The following NDUFAF2 variants were observed in gnomAD, a reference collection of about 807,000 sequenced individuals.
NDUFAF2 encodes the protein NADH:ubiquinone oxidoreductase complex assembly factor 2.
In NDUFAF2, 13 loss-of-function variants were observed where a neutral mutation model predicts 22.8. That is an observed-to-expected ratio of 0.57 (90% CI 0.37 to 0.91). NDUFAF2 has a LOEUF of 0.91. Among genes scored for constraint, NDUFAF2 ranks in the 40% least tolerant of loss-of-function variants. NDUFAF2 has a pLI of 0.01. For synonymous variants in NDUFAF2, 53 were observed against 64.2 expected, an observed-to-expected ratio of 0.83 and a Z score of 0.84; for missense variants, 162 against 195.2, an observed-to-expected ratio of 0.83 and a Z score of 1.01.
At chr5:60,994,903 C>G (rs1486917244) in intron 1 of NDUFAF2, among the ~76,000 whole-genome samples, 1 of 151,924 alleles carries the variant, frequency 6.6e-6, no homozygotes, top group Non-Finnish European at 1.5e-5. Flanking sequence ...TTTGTCTCCT[C>G]TGATTGTGTA....
chr5:61,066,550 G>A (rs1401578058), intron 1 of NDUFAF2, among the ~76,000 whole-genome samples: 1 of 151,954 alleles, frequency 6.6e-6, no homozygotes, highest in South Asian at 2.1e-4. Flanking sequence ...CAGTGGAACA[G>A]AATAGAGAGC....
intron 1 of NDUFAF2, among the ~76,000 whole-genome samples, chr5:61,041,666 A>G (rs1751884477): frequency 6.6e-6 from 1 of 152,328 alleles, no homozygotes; most frequent in South Asian, 2.1e-4. Flanking sequence ...CAATCAGGTG[A>G]ATAAGCATCA....
intron 1 of NDUFAF2, among the ~76,000 whole-genome samples, chr5:60,945,688 G>T (rs551527075): frequency 6.6e-6 from 1 of 152,204 alleles, no homozygotes; most frequent in Non-Finnish European, 1.5e-5. Flanking sequence ...TCCCAGCCAC[G>T]CCTGTAGAGG....
At chr5:61,056,226 A>G (rs1752085298) in intron 1 of NDUFAF2, among the ~76,000 whole-genome samples, 1 of 152,188 alleles carries the variant, frequency 6.6e-6, no homozygotes, top group Non-Finnish European at 1.5e-5. Flanking sequence ...TTGAGTAGAG[A>G]GGCAGGCTCC....
intron 3 of NDUFAF2, among the ~76,000 whole-genome samples, chr5:61,099,471 C>G (rs1752680943): frequency 1.3e-5 from 2 of 150,668 alleles, no homozygotes; most frequent in Admixed American, 6.6e-5. Context: ...GTATTTAAAT[C>G]CATCAAGTAT....
chr5:61,109,487 T>C (rs910008169), intron 3 of NDUFAF2, among the ~76,000 whole-genome samples: 1 of 152,196 alleles, frequency 6.6e-6, no homozygotes, highest in African/African-American at 2.4e-5. Flanking sequence ...CAATATTATA[T>C]TGAATAACAA....
intron 1 of NDUFAF2, among the ~76,000 whole-genome samples, chr5:61,040,279 C>CACACACAT (rs1751856857): frequency 9.6e-6 from 1 of 104,114 alleles, no homozygotes; most frequent in Non-Finnish European, 2.0e-5. Context: ...CACACACACA[C>CACACACAT]ACACACACGC....
At chr5:60,965,078 T>G (rs1750736976) in intron 1 of NDUFAF2, among the ~76,000 whole-genome samples, 1 of 152,128 alleles carries the variant, frequency 6.6e-6, no homozygotes, top group African/African-American at 2.4e-5. Flanking sequence ...CACACTAACA[T>G]AATTAGAATC....
chr5:61,092,709 C>G (rs1752583601), intron 2 of NDUFAF2, among the ~76,000 whole-genome samples: 1 of 152,016 alleles, frequency 6.6e-6, no homozygotes, highest in Non-Finnish European at 1.5e-5. Context: ...CTTTTTTTCT[C>G]TTGCCTGATT....
At position 60,945,222 on chromosome 5, in the gene NDUFAF2, C is replaced by G. The variant is rs199591129; in HGVS notation, c.-34C>G. On this transcript the variant is annotated 5_prime_UTR_variant, in exon 1 of 4. Transcript: ENST00000296597. ...GGAGCATTACCCCTACTGCGGGTCCCGCTGCTGGCAGCGCTGGAAACTGGG... is the reference window on the plus strand; with the variant it reads ...GGAGCATTACCCCTACTGCGGGTCCGGCTGCTGGCAGCGCTGGAAACTGGG... 1.2e-6 allele frequency: 2 copies of G among 1,608,778 alleles called. No homozygotes were observed. The highest frequency in any genetic ancestry group is 1.1e-5 in the South Asian group (1 of 90,374).
intron 1 of NDUFAF2, among the ~76,000 whole-genome samples, chr5:61,062,352 G>T (rs150645586): frequency 1.3e-5 from 2 of 152,158 alleles, no homozygotes. Context: ...ATTCAATATA[G>T]ATAGATATCA....
intron 1 of NDUFAF2, among the ~76,000 whole-genome samples, chr5:60,964,793 C>G: frequency 6.6e-6 from 1 of 152,118 alleles, no homozygotes; most frequent in East Asian, 1.9e-4. Context: ...CAATGGAACT[C>G]TTGAACTTAC....
chr5:61,070,596 T>TACATAC (rs1554082090), intron 1 of NDUFAF2, among the ~76,000 whole-genome samples: 1 of 147,974 alleles, frequency 6.8e-6, no homozygotes, highest in African/African-American at 2.5e-5. Context: ...TGTCTTTGCA[T>TACATAC]ACACACACAC....
At chr5:61,064,821 C>T (rs1303076761) in intron 1 of NDUFAF2, among the ~76,000 whole-genome samples, 3 of 151,014 alleles carry the variant, frequency 2.0e-5, no homozygotes, top group African/African-American at 7.3e-5. Flanking sequence ...CCTCAAGGAA[C>T]CAGAAAAAGA....
intron 3 of NDUFAF2, among the ~76,000 whole-genome samples, chr5:61,121,464 A>G (rs1360322614): frequency 6.6e-6 from 1 of 152,130 alleles, no homozygotes; most frequent in Non-Finnish European, 1.5e-5. Context: ...TCAGTGTACA[A>G]AGGCTTACTG....
At chr5:61,099,104 A>C in intron 3 of NDUFAF2, 72 bp downstream of exon 3, 1 of 1,053,584 alleles carries the variant, frequency 9.5e-7, no homozygotes, top group Non-Finnish European at 1.4e-6. Flanking sequence ...CAGAAAAACT[A>C]TGATGTATTT....
At chr5:61,136,266 A>G (rs1269270458) in intron 3 of NDUFAF2, among the ~76,000 whole-genome samples, 1 of 151,688 alleles carries the variant, frequency 6.6e-6, no homozygotes, top group Non-Finnish European at 1.5e-5. Context: ...GGAGTAGGGG[A>G]AATTTTGGGA....
chr5:61,052,045 G>A (rs962259043), intron 1 of NDUFAF2, among the ~76,000 whole-genome samples: 2 of 151,684 alleles, frequency 1.3e-5, no homozygotes, highest in Non-Finnish European at 2.9e-5. Context: ...GCTTTCATTC[G>A]AAAAACAATA....
At chr5:61,136,800 T>G (rs1740968791) in intron 3 of NDUFAF2, among the ~76,000 whole-genome samples, 1 of 152,318 alleles carries the variant, frequency 6.6e-6, no homozygotes, top group South Asian at 2.1e-4. Flanking sequence ...ATCACAGAGT[T>G]GTTCCATTGA....
Sources: gnomAD v4.1 joint callset for allele counts (sites outside exome capture counted in the v4.1 genomes callset) on GRCh38, gnomAD v4.1.1 for gene constraint, MANE v1.5 for transcripts, NCBI Gene and HGNC (gene_info 2026-07-23, HGNC 2026-07-21) for gene names.